CASS4: variants seen among roughly 807,000 people sequenced by gnomAD.
The protein encoded by CASS4 is cas scaffolding protein family member 4.
CASS4 carries 22 observed loss-of-function variants against 54.2 expected under a neutral mutation model. The observed-to-expected ratio is 0.41, with a 90% CI of 0.29 to 0.58. CASS4 has a LOEUF of 0.58. Among genes scored for constraint, CASS4 ranks in the 20% least tolerant of loss-of-function variants. The pLI is 0.36. For missense variants in CASS4, 854 were observed against 986.7 expected, an observed-to-expected ratio of 0.87 and a Z score of 1.80; for synonymous variants, 409 against 391.5, an observed-to-expected ratio of 1.04 and a Z score of -0.53.
chr20:56,435,078 G>T (rs1980091748), intron 1 of CASS4, among the ~76,000 whole-genome samples: 1 of 152,118 alleles, frequency 6.6e-6, no homozygotes, highest in Non-Finnish European at 1.5e-5. Flanking sequence ...TTTTGTGGGG[G>T]ATGTTCAATG....
intron 1 of CASS4, among the ~76,000 whole-genome samples, chr20:56,427,340 G>GA (rs1979691761): frequency 6.6e-6 from 1 of 152,038 alleles, no homozygotes; most frequent in East Asian, 1.9e-4. Flanking sequence ...ATGTAGGTGG[G>GA]AAAAATGTAG....
At chr20:56,448,422 C>T (rs182097839) in intron 3 of CASS4, among the ~76,000 whole-genome samples, 82 of 152,304 alleles carry the variant, frequency 5.4e-4, no homozygotes, top group African/African-American at 1.9e-3. Context: ...ATCCACAGCA[C>T]GGCTGCCACC....
chr20:56,431,946 A>G (rs1028055720), intron 1 of CASS4, among the ~76,000 whole-genome samples: 10 of 152,226 alleles, frequency 6.6e-5, no homozygotes, highest in South Asian at 2.1e-4. Context: ...GTTAAAGTAC[A>G]GTTTTCAAAA....
chr20:56,452,726 G>C lies in CASS4; in HGVS notation c.1550G>C (p.Arg517Pro). The part of the protein sequence containing the change: ...LTDSNLQNRI[R>P]DQMQTISNSY... The stretch of plus-strand genomic sequence containing the variant: ...GACAGTAACCTTCAGAACAGAATTC[G>C]GGACCAGATGCAGACCATCTCCAAC... The change falls in exon 5 of 6, where the codon CGG becomes CCG. Residue 517 changes from arginine to proline, a missense_variant. Coordinates refer to ENST00000679887, the MANE Select transcript of CASS4 (RefSeq NM_020356.4). The C allele has an allele frequency of 6.2e-7, 1 of 1,614,026 alleles. No individual in the cohort carries two copies. Among genetic ancestry groups the C allele is most frequent in the Non-Finnish European group, 8.5e-7 (1 of 1,180,006 alleles).
chr20:56,455,855 C>T (rs551364181), intron 5 of CASS4, among the ~76,000 whole-genome samples: 18 of 152,066 alleles, frequency 1.2e-4, no homozygotes, highest in Admixed American at 2.0e-4. Flanking sequence ...TGCTTGAACC[C>T]GGAAAGCAGA....
At chr20:56,412,150 G>T, upstream of CASS4, 1 of 396,656 alleles carries the variant, frequency 2.5e-6, no homozygotes, top group Admixed American at 4.3e-5. The surrounding 1 kb of genome is among the most constrained non-coding windows in gnomAD (Gnocchi z 4.2). Flanking sequence ...TTCTTTTGTG[G>T]TTTCACATAG....
At chr20:56,434,762 T>TG (rs1018716695) in intron 1 of CASS4, among the ~76,000 whole-genome samples, 5 of 151,740 alleles carry the variant, frequency 3.3e-5, no homozygotes, top group Admixed American at 1.3e-4. Flanking sequence ...TATTTTTAAG[T>TG]GGGAAAAAAA....
rs899226975 is a variant in CASS4, at chr20:56,458,834, C to G, written c.*87C>G. Reference sequence around the variant, plus strand: ...ACTCTGCCCTATGGGAAAAGCCAGCCGGGGCATACACCAATGAGCTGAAAC... The same window carrying G: ...ACTCTGCCCTATGGGAAAAGCCAGCGGGGGCATACACCAATGAGCTGAAAC... On this transcript the variant is annotated 3_prime_UTR_variant, in exon 6 of 6. Transcript: ENST00000679887. 12 of 1,327,434 alleles carry G rather than the reference C, an allele frequency of 9.0e-6. No homozygotes were observed. Among genetic ancestry groups the G allele is most frequent in the African/African-American group, 1.5e-5 (1 of 68,016 alleles). 82.2% of individuals were successfully genotyped at this position (1,327,434 alleles called of 1,614,324 possible).
chr20:56,423,238 G>C (rs1979492756), intron 1 of CASS4, among the ~76,000 whole-genome samples: 1 of 152,228 alleles, frequency 6.6e-6, no homozygotes, highest in African/African-American at 2.4e-5. Context: ...TTCTTTAAAG[G>C]ATCAAGATGA....
At chr20:56,449,634 A>T (rs1011068081) in intron 3 of CASS4, among the ~76,000 whole-genome samples, 8 of 152,170 alleles carry the variant, frequency 5.3e-5, no homozygotes, top group African/African-American at 1.9e-4. Context: ...TATTAAACTA[A>T]TTACACAGAT....
At position 56,412,799 on chromosome 20, in the gene CASS4, G is replaced by GC; in HGVS notation, c.36+310dup. Among the ~76,000 whole-genome samples, 1 of 152,102 alleles carries GC rather than the reference G, an allele frequency of 6.6e-6. No individual in the cohort carries two copies. The highest frequency in any genetic ancestry group is 1.5e-5 in the Non-Finnish European group (1 of 68,014). ...TGAAGCAAGATGCGAGTCTGCCTCA[G>GC]CCCCCGCTAATTCCTTCTTTCTCTG... On this transcript the variant is annotated intron_variant, in intron 1 of 5. Transcript: ENST00000679887. The surrounding 1 kb of genome is among the most constrained non-coding windows in gnomAD (Gnocchi z 4.2).
intron 1 of CASS4, among the ~76,000 whole-genome samples, chr20:56,429,256 T>A (rs1750555925): frequency 2.0e-5 from 3 of 152,172 alleles, no homozygotes; most frequent in African/African-American, 7.2e-5. Flanking sequence ...TCTCTTCTTC[T>A]TACTTTCCCT....
In CASS4 at chr20:56,452,330, C is replaced by T; in HGVS notation, c.1154C>T (p.Ser385Phe). The T allele has an allele frequency of 1.2e-6, 2 of 1,613,936 alleles. No individual in the cohort carries two copies. The highest frequency in any genetic ancestry group is 1.7e-6 in the Non-Finnish European group (2 of 1,180,050). ...GCGGGCCATAATTCCTCATGGTTCTCCAGACGGACAACTTCCCCATCTCCT... is the reference window on the plus strand; with the variant it reads ...GCGGGCCATAATTCCTCATGGTTCTTCAGACGGACAACTTCCCCATCTCCT... ...NSAGHNSSWF[S>F]RRTTSPSPEP... The change falls in exon 5 of 6, where the codon TCC (serine) becomes TTC (phenylalanine). Residue 385 changes from serine to phenylalanine, a missense_variant. Physicochemically the swap from Ser to Phe is radical, Grantham distance 155. Transcript: ENST00000679887.
At chr20:56,458,289 C>A in intron 5 of CASS4, 51 bp from the exon 6 acceptor site, 1 of 1,532,852 alleles carries the variant, frequency 6.5e-7, no homozygotes, top group Admixed American at 1.8e-5. Flanking sequence ...GGCAGACAGC[C>A]ACAGCCCATT....
At chr20:56,434,459 T>C (rs1161749336) in intron 1 of CASS4, among the ~76,000 whole-genome samples, 1 of 152,178 alleles carries the variant, frequency 6.6e-6, no homozygotes, top group African/African-American at 2.4e-5. Flanking sequence ...TTATTTGAGA[T>C]GGAGTCTCAC....
intron 1 of CASS4, among the ~76,000 whole-genome samples, chr20:56,421,834 A>G (rs1225748663): frequency 1.3e-5 from 2 of 152,230 alleles, no homozygotes; most frequent in Admixed American, 1.3e-4. Flanking sequence ...TTCCTTAAAA[A>G]AAGAAAAAAG....
chr20:56,416,106 G>A (rs560231900), intron 1 of CASS4, among the ~76,000 whole-genome samples: 7 of 152,304 alleles, frequency 4.6e-5, no homozygotes, highest in African/African-American at 1.7e-4. Flanking sequence ...CTGGAGTGCA[G>A]TGGCATGATC....
chr20:56,454,268 A>G (rs1981181474), intron 5 of CASS4, among the ~76,000 whole-genome samples: 1 of 152,230 alleles, frequency 6.6e-6, no homozygotes, highest in Admixed American at 6.5e-5. Context: ...GCTTCAGTTC[A>G]GGGATTGTGA....
rs761675318 is a variant in CASS4 at position 56,452,795 on chromosome 20, G to T, written c.1619G>T (p.Arg540Leu). Residue 540 changes from arginine (R) to leucine (L), a missense_variant, in exon 5 of 6, where the codon CGC becomes CTC. Physicochemically the swap from Arg to Leu is moderately radical, Grantham distance 102. Coordinates refer to ENST00000679887, the MANE Select transcript of CASS4 (RefSeq NM_020356.4). ...GAAACAAAGGAAAGCTTGGATAATC[G>T]CAATTGGCCTCTGGAAGTTCTTGTG... ...LLETKESLDN[R>L]NWPLEVLVTD... 5 of 1,613,902 alleles carry T rather than the reference G, an allele frequency of 3.1e-6. No individual in the cohort carries two copies. Among genetic ancestry groups the T allele is most frequent in the Non-Finnish European group, 4.2e-6 (5 of 1,180,032 alleles).
Sources: allele counts gnomAD v4.1 joint callset (sites outside exome capture counted in the v4.1 genomes callset), GRCh38; gene constraint gnomAD v4.1.1; non-coding constraint Gnocchi (gnomAD v3.1); transcripts MANE v1.5; gene names NCBI Gene and HGNC (gene_info 2026-07-23, HGNC 2026-07-21).